Variants in FAM169A observed in about 807,000 individuals in gnomAD.
FAM169A encodes soluble lamin-associated protein of 75 kDa.
FAM169A carries 24 observed loss-of-function variants against 75.7 expected under a neutral mutation model. That is an observed-to-expected ratio of 0.32 (90% CI 0.23 to 0.45). FAM169A has a LOEUF of 0.45. Among genes scored for constraint, FAM169A ranks in the 20% least tolerant of loss-of-function variants. FAM169A has a pLI of 1.00. For synonymous variants in FAM169A, 271 were observed against 271.0 expected (o/e 1.00, Z 0.00); for missense variants, 673 against 784.0 (o/e 0.86, Z 1.69).
intron 1 of FAM169A, among the ~76,000 whole-genome samples, chr5:74,843,558 T>G (rs1748994537): frequency 6.6e-6 from 1 of 152,180 alleles, no homozygotes; most frequent in Admixed American, 6.5e-5. Flanking sequence ...GACATCTCAT[T>G]TGGCGGGGAA....
In FAM169A at chr5:74,779,790, T is replaced by C. The variant is rs916181621; in HGVS notation, c.*1670A>G. 1 of 152,200 alleles carries C rather than the reference T, an allele frequency of 6.6e-6. No homozygotes were observed. The highest frequency in any genetic ancestry group is 2.1e-4 in the South Asian group (1 of 4,832). The allele number at this position is 152,200 out of a possible 1,614,324, so 9.4% of individuals were successfully genotyped here. On this transcript the variant is annotated 3_prime_UTR_variant, in exon 13 of 13. Transcript: ENST00000687041. ...CAAATAGGAGCGTTTACTATTTTTG[T>C]CTGCTTTAAGATTTTAACTTGATCG...
intron 1 of FAM169A, among the ~76,000 whole-genome samples, chr5:74,860,106 G>T (rs1332408269): frequency 6.6e-6 from 1 of 152,160 alleles, no homozygotes; most frequent in Non-Finnish European, 1.5e-5. Context: ...CTGAGGCCAG[G>T]AGAGATTCAG....
chr5:74,803,855 T>G (rs1316875399), intron 8 of FAM169A, among the ~76,000 whole-genome samples: 1 of 152,178 alleles, frequency 6.6e-6, no homozygotes, highest in Non-Finnish European at 1.5e-5. Flanking sequence ...CACCTACTAA[T>G]TCCACTTCTG....
chr5:74,857,569 C>CG (rs199744612), intron 1 of FAM169A, among the ~76,000 whole-genome samples: 205 of 56,376 alleles, frequency 3.6e-3, no homozygotes, highest in Non-Finnish European at 4.5e-3. Context: ...GACCTTGCCG[C>CG]GGGAAAAAAA....
chr5:74,815,384 T>C (rs991451047), intron 5 of FAM169A, among the ~76,000 whole-genome samples: 4 of 151,650 alleles, frequency 2.6e-5, no homozygotes, highest in African/African-American at 7.3e-5. Flanking sequence ...GAGACAGGGG[T>C]TTCACCATGT....
intron 11 of FAM169A, among the ~76,000 whole-genome samples, chr5:74,791,258 G>A (rs1745960170): frequency 6.6e-6 from 1 of 152,166 alleles, no homozygotes. Context: ...CTCTGAATAA[G>A]CATCCAGTAT....
Position 74,801,518 on chromosome 5 carries a change from T to TGC in FAM169A, c.952+70_952+71dup, listed in dbSNP as rs1561296010. The TGC allele has an allele frequency of 2.7e-6, 3 of 1,122,928 alleles. No individual in the cohort carries two copies. In the East Asian group the frequency reaches 7.1e-5, roughly 26 times the overall value. The allele number at this position is 1,122,928 out of a possible 1,614,324, so 69.6% of individuals were successfully genotyped here. On this transcript the variant is annotated intron_variant, in intron 9 of 12. Coordinates refer to ENST00000687041, the MANE Select transcript of FAM169A (RefSeq NM_001376049.1). ...GGGTGACACACCACACACACATGCA[T>TGC]GCACACACACACACACAGCCCTAAT...
At chr5:74,843,984 T>C (rs1749017298) in intron 1 of FAM169A, among the ~76,000 whole-genome samples, 2 of 152,166 alleles carry the variant, frequency 1.3e-5, no homozygotes, top group Non-Finnish European at 2.9e-5. Context: ...TAGAGAAATA[T>C]GTTAAATGAT....
chr5:74,794,502 A>G (rs1467228201), intron 11 of FAM169A, among the ~76,000 whole-genome samples: 53 of 146,216 alleles, frequency 3.6e-4, no homozygotes, highest in Middle Eastern at 4.5e-3. Flanking sequence ...CAAGAGGAGC[A>G]GATCAGGAGT....
At chr5:74,857,317 A>G (rs1749762327) in intron 1 of FAM169A, among the ~76,000 whole-genome samples, 2 of 151,628 alleles carry the variant, frequency 1.3e-5, no homozygotes, top group South Asian at 4.2e-4. Flanking sequence ...TTGGGAGGCC[A>G]AGGTGGGCAG....
At chr5:74,811,583 T>C (rs1300924843) in intron 6 of FAM169A, among the ~76,000 whole-genome samples, 3 of 152,322 alleles carry the variant, frequency 2.0e-5, no homozygotes, top group East Asian at 3.9e-4. Context: ...GGAATAAAAA[T>C]ATATTTTCAG....
chr5:74,842,490 T>C (rs1748932498), intron 1 of FAM169A, among the ~76,000 whole-genome samples: 1 of 147,442 alleles, frequency 6.8e-6, no homozygotes, highest in South Asian at 2.1e-4. Flanking sequence ...TAGATGAATA[T>C]TATGGTATAT....
chr5:74,835,385 T>C (rs750494707), intron 4 of FAM169A, among the ~76,000 whole-genome samples: 3 of 151,834 alleles, frequency 2.0e-5, no homozygotes, highest in Non-Finnish European at 4.4e-5. Context: ...GTGGATCGCT[T>C]GAGCTCAGTT....
In FAM169A at chr5:74,781,899, C is replaced by G; in HGVS notation, c.1574G>C (p.Gly525Ala). 6.2e-7 allele frequency: 1 copy of G among 1,614,050 alleles called. No homozygotes were observed. Among genetic ancestry groups the G allele is most frequent in the South Asian group, 1.1e-5 (1 of 91,080 alleles). The change falls in exon 13 of 13, where the codon GGG becomes GCG. Residue 525 changes from glycine to alanine, a missense_variant. Physicochemically the swap from Gly to Ala is moderately conservative, Grantham distance 60. This residue lies in a region of FAM169A where 510 missense variants were observed against 550.9 expected (regional missense o/e 0.93). Coordinates refer to ENST00000687041, the MANE Select transcript of FAM169A (RefSeq NM_001376049.1). ...SLLPRKKAHL[G>A]SSDNVATMSN... ...CATAGTAGCAACATTGTCTGAACTC[C>G]CAAGATGTGCTTTCTTTCTTGGAAG...
rs1385152232 is a variant in FAM169A at position 74,813,827 on chromosome 5, T to G, written c.670+13A>C. The G allele has an allele frequency of 6.6e-7, 1 of 1,507,958 alleles. No individual in the cohort carries two copies. Among genetic ancestry groups the G allele is most frequent in the Non-Finnish European group, 8.8e-7 (1 of 1,131,126 alleles). 93.4% of individuals were successfully genotyped at this position (1,507,958 alleles called of 1,614,324 possible). The stretch of plus-strand genomic sequence containing the variant: ...AAAGACAAGTTTATTATTTTTTAAC[T>G]TAGTCCATTTACCTGTATACATGAG... On this transcript the variant is annotated intron_variant, in intron 6 of 12. Transcript: ENST00000687041.
At chr5:74,793,958 G>A (rs1024305129) in intron 11 of FAM169A, among the ~76,000 whole-genome samples, 7 of 145,858 alleles carry the variant, frequency 4.8e-5, no homozygotes, top group Non-Finnish European at 9.0e-5. Flanking sequence ...AGCCGAGATT[G>A]TGCCACTGCA....
In FAM169A at chr5:74,804,759, A is replaced by C. The variant is rs537336318; in HGVS notation, c.800-154T>G. 3.3e-5 allele frequency among the ~76,000 whole-genome samples: 5 copies of C among 152,332 alleles called. No individual in the cohort carries two copies. The South Asian group carries it at 1.0e-3, about 32-fold the overall frequency. ...GATGTTCTCTTCACCAATATCCTAT[A>C]ATGCAACATTGCCATTATATACAAT... is the stretch of plus-strand genomic sequence containing the variant. On this transcript the variant is annotated intron_variant, in intron 7 of 12. Transcript: ENST00000687041.
intron 10 of FAM169A, among the ~76,000 whole-genome samples, chr5:74,796,428 T>TA (rs1746279767): frequency 4.0e-5 from 6 of 151,144 alleles, no homozygotes; most frequent in African/African-American, 1.5e-4. Context: ...TTTTCCGAGA[T>TA]AAAGTCTCGC....
intron 1 of FAM169A, among the ~76,000 whole-genome samples, chr5:74,852,460 A>C (rs1246630713): frequency 6.6e-6 from 1 of 152,228 alleles, no homozygotes; most frequent in East Asian, 1.9e-4. Flanking sequence ...ACTTCAAAGC[A>C]TATTTACTAA....
Sources: gnomAD v4.1 joint callset for allele counts (sites outside exome capture counted in the v4.1 genomes callset) on GRCh38, gnomAD v4.1.1 for gene constraint, gnomAD v4.1.1 regional missense constraint, MANE v1.5 for transcripts, NCBI Gene and HGNC (gene_info 2026-07-23, HGNC 2026-07-21) for gene names.